Variants in SORCS3 observed in about 807,000 individuals in gnomAD.
The protein encoded by SORCS3 is VPS10 domain-containing receptor SorCS3.
A neutral mutation model predicts 146.3 loss-of-function variants in SORCS3; 57 were observed. That is an observed-to-expected ratio of 0.39 (90% CI 0.31 to 0.49). The LOEUF (loss-of-function observed/expected upper bound fraction) is 0.49. Among genes scored for constraint, SORCS3 ranks in the 20% least tolerant of loss-of-function variants. SORCS3 has a pLI of 0.92. For synonymous variants in SORCS3, 653 were observed against 618.5 expected, an observed-to-expected ratio of 1.06 and a Z score of -0.83; for missense variants, 1,341 against 1,575.5, an observed-to-expected ratio of 0.85 and a Z score of 2.52.
At chr10:104,776,380 T>C (rs1474095394) in intron 1 of SORCS3, among the ~76,000 whole-genome samples, 1 of 152,178 alleles carries the variant, frequency 6.6e-6, no homozygotes, top group Non-Finnish European at 1.5e-5. Context: ...AGCTCAAATG[T>C]TGCCAGACAT....
intron 3 of SORCS3, among the ~76,000 whole-genome samples, chr10:104,918,723 G>C (rs2019057357): frequency 6.6e-6 from 1 of 152,110 alleles, no homozygotes. Context: ...GATCTCAGTG[G>C]GCATATGCAC....
chr10:104,801,123 A>G (rs1380672977), intron 1 of SORCS3, among the ~76,000 whole-genome samples: 1 of 152,160 alleles, frequency 6.6e-6, no homozygotes, highest in African/African-American at 2.4e-5. Context: ...ATGGCCTGGG[A>G]TCAAATCCCA....
intron 3 of SORCS3, among the ~76,000 whole-genome samples, chr10:104,923,028 A>C (rs1429488901): frequency 2.0e-5 from 3 of 152,250 alleles, no homozygotes; most frequent in Non-Finnish European, 4.4e-5. Flanking sequence ...GGTAGGGGGC[A>C]GATGTCTGCT....
chr10:105,243,809 A>G (rs2119727991), intron 20 of SORCS3, among the ~76,000 whole-genome samples: 1 of 152,348 alleles, frequency 6.6e-6, no homozygotes, highest in South Asian at 2.1e-4. Context: ...AAAGCAGAAG[A>G]AATTAAATTA....
At position 105,201,167 on chromosome 10, in the gene SORCS3, G is replaced by T. The variant is rs959115680; in HGVS notation, c.2175G>T (p.Lys725Asn). The change falls in exon 16 of 27, where the codon AAG (lysine) becomes AAT (asparagine). Residue 725 changes from lysine to asparagine, a missense_variant. Transcript: ENST00000369701. Reference sequence around the variant, plus strand: ...AAAGGAAAATATTCAAGAAACGTAAGCCAGGAGCTCAGTGTGCCCTGGGCC... The same window carrying T: ...AAAGGAAAATATTCAAGAAACGTAATCCAGGAGCTCAGTGTGCCCTGGGCC... ...MGERKIFKKR[K>N]PGAQCALGRD... The T allele has an allele frequency of 6.2e-7, 1 of 1,613,058 alleles. No individual in the cohort carries two copies. The highest frequency in any genetic ancestry group is 1.7e-5 in the Admixed American group (1 of 59,912).
At chr10:105,029,229 T>G (rs572383344) in intron 4 of SORCS3, among the ~76,000 whole-genome samples, 1 of 152,330 alleles carries the variant, frequency 6.6e-6, no homozygotes, top group Admixed American at 6.5e-5. Context: ...GTAACTCTAA[T>G]GCAGAGTTGA....
intron 3 of SORCS3, among the ~76,000 whole-genome samples, chr10:104,969,697 A>T (rs1474435632): frequency 6.6e-6 from 1 of 152,060 alleles, no homozygotes; most frequent in Admixed American, 6.6e-5. Context: ...TAAAACTGCC[A>T]CTCAATGTCA....
intron 7 of SORCS3, among the ~76,000 whole-genome samples, chr10:105,114,172 A>G (rs1392127692): frequency 6.6e-6 from 1 of 152,174 alleles, no homozygotes; most frequent in Non-Finnish European, 1.5e-5. Context: ...TTATGTCTGC[A>G]GTGGATTGTG....
chr10:104,884,071 T>A (rs151135923), intron 2 of SORCS3, among the ~76,000 whole-genome samples: 19 of 151,844 alleles, frequency 1.3e-4, no homozygotes, highest in East Asian at 1.2e-3. Context: ...TAGAGAAGGG[T>A]TATCAATGCC....
At chr10:105,115,655 G>T (rs528866901) in intron 7 of SORCS3, among the ~76,000 whole-genome samples, 13 of 152,158 alleles carry the variant, frequency 8.5e-5, no homozygotes, top group Non-Finnish European at 1.5e-4. Context: ...AGCTCACCTG[G>T]ATTTTGGTAC....
At chr10:104,868,725 C>T (rs899350195) in intron 2 of SORCS3, among the ~76,000 whole-genome samples, 10 of 152,138 alleles carry the variant, frequency 6.6e-5, no homozygotes, top group Admixed American at 4.6e-4. Flanking sequence ...ATATGGAGCT[C>T]GATGCTGGGA....
chr10:104,825,647 C>A (rs1564692199), intron 1 of SORCS3, among the ~76,000 whole-genome samples: 2 of 152,040 alleles, frequency 1.3e-5, no homozygotes, highest in South Asian at 2.1e-4. Flanking sequence ...TAATGGTACA[C>A]CTTTGGAGAG....
chr10:105,091,308 C>T, intron 6 of SORCS3, among the ~76,000 whole-genome samples: 1 of 92,494 alleles, frequency 1.1e-5, no homozygotes, highest in Non-Finnish European at 2.3e-5. Context: ...TCCCTCCTTC[C>T]TTCCTTCCCT....
intron 8 of SORCS3, among the ~76,000 whole-genome samples, 175 bp from the exon 9 acceptor site, chr10:105,147,442 A>G (rs560026564): frequency 1.3e-5 from 2 of 152,296 alleles, no homozygotes; most frequent in South Asian, 4.1e-4. Flanking sequence ...TTAGCAAGGA[A>G]CAGAAATCAT....
At chr10:105,230,154 C>G (rs1048256641) in intron 20 of SORCS3, among the ~76,000 whole-genome samples, 7 of 152,044 alleles carry the variant, frequency 4.6e-5, no homozygotes, top group Non-Finnish European at 7.4e-5. Context: ...TTGTGGTAGA[C>G]TAGGCAGTGT....
intron 4 of SORCS3, among the ~76,000 whole-genome samples, chr10:105,000,113 A>C (rs2055052189): frequency 6.6e-6 from 1 of 152,174 alleles, no homozygotes; most frequent in Non-Finnish European, 1.5e-5. Context: ...AAAATTAAAA[A>C]TAAATGTCCC....
At chr10:104,870,928 T>G (rs17117815) in intron 2 of SORCS3, among the ~76,000 whole-genome samples, 13,312 of 152,240 alleles carry the variant, frequency 0.087, 779 homozygotes, top group South Asian at 0.26. Context: ...GTCAAAGGAC[T>G]TAAGGTGACC....
At position 104,818,134 on chromosome 10, in the gene SORCS3, G is replaced by A. The variant is rs563433741; in HGVS notation, c.628-24658G>A. On this transcript the variant is annotated intron_variant, in intron 1 of 26. Coordinates refer to ENST00000369701, the MANE Select transcript of SORCS3 (RefSeq NM_014978.3). Reference sequence around the variant, plus strand: ...TAGTCAGGACACTGCTGTGTGTTCTGCTCCAGGAAACTTTCCTACTGGCTC... The same window carrying A: ...TAGTCAGGACACTGCTGTGTGTTCTACTCCAGGAAACTTTCCTACTGGCTC... Among the ~76,000 whole-genome samples, 9 of 152,224 alleles carry A rather than the reference G, an allele frequency of 5.9e-5. No homozygotes were observed. The South Asian group carries it at 1.7e-3, about 28-fold the overall frequency.
intron 7 of SORCS3, among the ~76,000 whole-genome samples, chr10:105,112,306 CT>C (rs1358046654): frequency 6.6e-6 from 1 of 151,852 alleles, no homozygotes; most frequent in Non-Finnish European, 1.5e-5. Flanking sequence ...ATTTAAAAAT[CT>C]TTTTTGGGGT....
Sources: gnomAD v4.1 joint callset for allele counts (sites outside exome capture counted in the v4.1 genomes callset) on GRCh38, gnomAD v4.1.1 for gene constraint, MANE v1.5 for transcripts, NCBI Gene and HGNC (gene_info 2026-07-23, HGNC 2026-07-21) for gene names.